The following ATG16L2 variants were observed in gnomAD, a reference collection of about 807,000 sequenced individuals.
ATG16L2 encodes protein Atg16l2.
Under a neutral mutation model 84.7 loss-of-function variants are expected in ATG16L2, and 77 were observed. The observed-to-expected ratio is 0.91, with a 90% CI of 0.76 to 1.10. The LOEUF is 1.10. Ranked by LOEUF, ATG16L2 falls within the 50% of genes least tolerant of loss-of-function variation. The pLI, the probability that ATG16L2 is intolerant of heterozygous loss-of-function variation, is 0.00. For synonymous variants in ATG16L2, 361 were observed against 342.8 expected (o/e 1.05, Z -0.59); for missense variants, 782 against 817.6 (o/e 0.96, Z 0.53).
Position 72,822,679 on chromosome 11 carries a change from C to T in ATG16L2, c.710+136C>T. The T allele has an allele frequency of 9.0e-6, 11 of 1,216,528 alleles. No homozygotes were observed. Among genetic ancestry groups the T allele is most frequent in the South Asian group, 2.8e-5 (2 of 71,580 alleles). 75.4% of individuals were successfully genotyped at this position (1,216,528 alleles called of 1,614,324 possible). A position where few individuals can be genotyped will look rare whatever the true frequency, so the allele number is the denominator to read the frequency against. On this transcript the variant is annotated intron_variant, in intron 6 of 17. Transcript: ENST00000321297. The surrounding 1 kb of genome is among the most constrained non-coding windows in gnomAD (Gnocchi z 4.2). ...CCATGTGGTCGGAGCCCACGAGACA[C>T]CTGCAGAGGACCGTGTGGTCGTAGG...
downstream of ATG16L2, among the ~76,000 whole-genome samples, chr11:72,831,246 C>T (rs1279208342): frequency 6.6e-6 from 1 of 152,222 alleles, no homozygotes; most frequent in African/African-American, 2.4e-5. Context: ...GTGGCTCACG[C>T]CTGTAATCCC....
chr11:72,836,555 AC>A (rs1860733526), intron 5 of ATG16L2, among the ~76,000 whole-genome samples: 1 of 152,050 alleles, frequency 6.6e-6, no homozygotes, highest in Non-Finnish European at 1.5e-5. Context: ...CATCTCTAGT[AC>A]CCAGGATATT....
intron 5 of ATG16L2, chr11:72,837,240 C>T (rs1167261435): frequency 6.6e-6 from 1 of 151,844 alleles, no homozygotes; most frequent in South Asian, 2.1e-4. Flanking sequence ...AAAACAACAA[C>T]GAAAAAAAAC....
At chr11:72,826,852 C>T (rs1565270441) in intron 13 of ATG16L2, 29 bp downstream of exon 13, 10 of 1,608,372 alleles carry the variant, frequency 6.2e-6, no homozygotes, top group South Asian at 2.2e-5. Context: ...CCCACCTCTC[C>T]TCCCCACCAG....
chr11:72,843,613 G>A lies in ATG16L2; in HGVS notation c.*1018G>A, dbSNP rs74697501. 1,567 of 862,088 alleles carry A rather than the reference G, an allele frequency of 1.8e-3. 5 individuals carry two copies. The highest frequency in any genetic ancestry group is 2.5e-3 in the Non-Finnish European group (1,335 of 523,712). 53.4% of individuals were successfully genotyped at this position (862,088 alleles called of 1,614,324 possible). ...TGAGCTGATCATGACAAAAACTGGG[G>A]ATCAAAATATTGAAATGATTTTGAG... On this transcript the variant is annotated 3_prime_UTR_variant, in exon 6 of 6. Coordinates refer to the ATG16L2 transcript ENST00000534905.
In ATG16L2 at chr11:72,817,745, T is replaced by C. The variant is rs774324084; in HGVS notation, c.219-11T>C. Reference sequence around the variant, plus strand: ...CGGGGGACATTGAGCACCACTCTGATTGGTTGGCAGGGAGGAGTCAGAGCT... The same window carrying C: ...CGGGGGACATTGAGCACCACTCTGACTGGTTGGCAGGGAGGAGTCAGAGCT... On this transcript the variant is annotated splice_polypyrimidine_tract_variant and intron_variant, in intron 2 of 17. Transcript: ENST00000321297. 1.2e-6 allele frequency: 2 copies of C among 1,613,298 alleles called. No homozygotes were observed. Among genetic ancestry groups the C allele is most frequent in the East Asian group, 2.2e-5 (1 of 44,878 alleles).
intron 5 of ATG16L2, chr11:72,841,403 AG>A (rs1860935611): frequency 1.0e-6 from 1 of 979,254 alleles, no homozygotes; most frequent in East Asian, 4.0e-5. Flanking sequence ...GCGAATATGT[AG>A]GTTTCTGAAG....
intron 13 of ATG16L2, 55 bp downstream of exon 13, chr11:72,826,878 C>T: frequency 1.3e-6 from 2 of 1,593,528 alleles, no homozygotes; most frequent in South Asian, 2.2e-5. Context: ...AGCCCCAGGC[C>T]AGGGCACAAG....
Position 72,822,672 on chromosome 11 carries a change from C to G in ATG16L2, c.710+129C>G. ...GAGGCCCCCATGTGGTCGGAGCCCA[C>G]GAGACACCTGCAGAGGACCGTGTGG... is the stretch of plus-strand genomic sequence containing the variant. On this transcript the variant is annotated intron_variant, in intron 6 of 17. Transcript: ENST00000321297. This position sits in a 1 kb window ranked among gnomAD's most constrained non-coding sequence, Gnocchi z 4.2. 1 of 1,255,468 alleles carries G rather than the reference C, an allele frequency of 8.0e-7. No homozygotes were observed. Among genetic ancestry groups the G allele is most frequent in the Non-Finnish European group, 1.1e-6 (1 of 901,768 alleles). 77.8% of individuals were successfully genotyped at this position (1,255,468 alleles called of 1,614,324 possible). A position where few individuals can be genotyped will look rare whatever the true frequency, so the allele number is the denominator to read the frequency against.
intron 14 of ATG16L2, among the ~76,000 whole-genome samples, chr11:72,828,117 G>A (rs1285539704): frequency 6.6e-6 from 1 of 152,142 alleles, no homozygotes; most frequent in Non-Finnish European, 1.5e-5. Flanking sequence ...CTTATTTAGT[G>A]ACCCAAAGGT....
Position 72,822,223 on chromosome 11 carries a change from T to G in ATG16L2, c.572T>G (p.Leu191Arg). 1.3e-6 allele frequency: 2 copies of G among 1,505,754 alleles called. No homozygotes were observed. Among genetic ancestry groups the G allele is most frequent in the Non-Finnish European group, 1.8e-6 (2 of 1,136,890 alleles). 93.3% of individuals were successfully genotyped at this position (1,505,754 alleles called of 1,614,324 possible). A position where few individuals can be genotyped will look rare whatever the true frequency, so the allele number is the denominator to read the frequency against. ...LRRLQEEARD[L>R]LERLVQRKAR... ...AGGCTCCAGGAAGAGGCGCGCGACC[T>G]GCTGGAGAGGCTCGTGCAGCGCAAG... The change falls in exon 5 of 18, where the codon CTG becomes CGG. Residue 191 changes from leucine (L) to arginine (R), a missense_variant. By Grantham distance (102) the Leu-to-Arg change is moderately radical. Transcript: ENST00000321297. This position sits in a 1 kb window ranked among gnomAD's most constrained non-coding sequence, Gnocchi z 4.2.
rs1333713990 is a variant in ATG16L2, at chr11:72,822,503, G to A, written c.670G>A (p.Glu224Lys). 6.2e-7 allele frequency: 1 copy of A among 1,613,134 alleles called. No individual in the cohort carries two copies. Among genetic ancestry groups the A allele is most frequent in the African/African-American group, 1.3e-5 (1 of 74,864 alleles). The change falls in exon 6 of 18, where the codon GAG (glutamate) becomes AAG (lysine). Residue 224 changes from glutamate to lysine, a missense_variant. Transcript: ENST00000321297. The surrounding 1 kb of genome is among the most constrained non-coding windows in gnomAD (Gnocchi z 4.2). Reference protein sequence around the residue: ...ERAKQARVSQELKKAAKRTVS... With the variant: ...ERAKQARVSQKLKKAAKRTVS... ...GGCCAAGCAGGCGCGGGTGTCCCAGGAGCTGAAGAAGGCTGCCAAGCGGAC... is the reference window on the plus strand; with the variant it reads ...GGCCAAGCAGGCGCGGGTGTCCCAGAAGCTGAAGAAGGCTGCCAAGCGGAC...
chr11:72,826,492 T>C, intron 11 of ATG16L2, 26 bp from the exon 12 acceptor site: 3 of 1,613,466 alleles, frequency 1.9e-6, no homozygotes, highest in Non-Finnish European at 2.5e-6. Context: ...GCTTAGCACC[T>C]CTCACTTCCT....
At chr11:72,842,945 T>C in exon 6 of ATG16L2, 2 of 983,882 alleles carry the variant, frequency 2.0e-6, no homozygotes, top group Non-Finnish European at 3.0e-6. Flanking sequence ...TCATACAGAA[T>C]AGGATTAAAG....
At chr11:72,825,054 GGGAGGCCA>G (rs1393417869) in intron 9 of ATG16L2, among the ~76,000 whole-genome samples, 7 of 152,150 alleles carry the variant, frequency 4.6e-5, no homozygotes, top group Admixed American at 4.6e-4. Context: ...AGAGGAGGCT[GGGAGGCCA>G]GGAGGCCAGG....
downstream of ATG16L2, among the ~76,000 whole-genome samples, chr11:72,832,984 AG>A (rs1860640110): frequency 6.6e-6 from 1 of 152,222 alleles, no homozygotes; most frequent in East Asian, 1.9e-4. Flanking sequence ...TGTAGGCATG[AG>A]GACCATGGCC....
chr11:72,828,933 TC>T lies in ATG16L2; in HGVS notation c.1722del (p.Trp575GlyfsTer33). On this transcript the variant is annotated frameshift_variant, in exon 17 of 18. Transcript: ENST00000321297. LOFTEE classifies it high-confidence loss of function. The stretch of plus-strand genomic sequence containing the variant: ...GGCTCCTGTGATGGGGCCCTTTACA[TC>T]TGGGATGTGGACACCGGGAAACTGG... ...LAGSCDGALY[I>X]WDVDTGKLES... 6.2e-7 allele frequency: 1 copy of T among 1,614,092 alleles called. No homozygotes were observed. The highest frequency in any genetic ancestry group is 8.5e-7 in the Non-Finnish European group (1 of 1,180,016).
At position 72,825,282 on chromosome 11, in the gene ATG16L2, A is replaced by C. The variant is rs1219470530; in HGVS notation, c.997-20A>C. The C allele has an allele frequency of 6.2e-7, 1 of 1,604,478 alleles. No homozygotes were observed. Among genetic ancestry groups the C allele is most frequent in the South Asian group, 1.1e-5 (1 of 90,898 alleles). The stretch of plus-strand genomic sequence containing the variant: ...CATGCGCGGGGAGGGCCGGGGCACC[A>C]ACCTCCCCTTTCCCCACAGGATGCC... On this transcript the variant is annotated intron_variant, in intron 9 of 17. Coordinates refer to ENST00000321297, the MANE Select transcript of ATG16L2 (RefSeq NM_033388.2).
chr11:72,843,365 C>T (rs746671526), exon 6 of ATG16L2: 1 of 1,482,936 alleles, frequency 6.7e-7, no homozygotes, highest in East Asian at 2.3e-5. Flanking sequence ...AGTTTACACA[C>T]ACAATTTAGA....
Sources: gnomAD v4.1 joint callset for allele counts (sites outside exome capture counted in the v4.1 genomes callset) on GRCh38, gnomAD v4.1.1 for gene constraint, Gnocchi (gnomAD v3.1) non-coding constraint, MANE v1.5 for transcripts, NCBI Gene and HGNC (gene_info 2026-07-23, HGNC 2026-07-21) for gene names.